The following LINGO2 variants were observed in gnomAD, a reference collection of about 807,000 sequenced individuals.
LINGO2 encodes leucine rich repeat and Ig domain containing 2.
A neutral mutation model predicts 30.6 loss-of-function variants in LINGO2; 14 were observed. The observed-to-expected ratio is 0.46, with a 90% confidence interval of 0.30 to 0.72. LINGO2 has a LOEUF of 0.72. LINGO2 is among the 30% of genes least tolerant of loss of function. The pLI is 0.07. For missense variants in LINGO2, 729 were observed against 751.7 expected (o/e 0.97, Z 0.35); for synonymous variants, 317 against 288.5 (o/e 1.10, Z -1.00).
In LINGO2 at chr9:28,220,680, T is replaced by C. The variant is rs560792748; in HGVS notation, c.-87+74528A>G. ...TTCTCATATGGGACAGTTTACATTG[T>C]TCCAATCTACAAAGACCCTACATTC... On this transcript the variant is annotated intron_variant, in intron 4 of 5. Coordinates refer to ENST00000379992, the Ensembl canonical transcript of LINGO2. Among the ~76,000 whole-genome samples, 18 of 152,280 alleles carry C rather than the reference T, an allele frequency of 1.2e-4. No individual in the cohort carries two copies. The South Asian group carries it at 2.3e-3, about 19-fold the overall frequency.
chr9:28,572,427 A>T (rs939434133), intron 1 of LINGO2, among the ~76,000 whole-genome samples: 6 of 152,096 alleles, frequency 3.9e-5, no homozygotes, highest in African/African-American at 1.4e-4. Flanking sequence ...CTTTCAAGAA[A>T]GGCAGGGTCA....
At chr9:28,298,005 T>G (rs1280046718) in intron 3 of LINGO2, among the ~76,000 whole-genome samples, 6 of 152,198 alleles carry the variant, frequency 3.9e-5, no homozygotes, top group Non-Finnish European at 5.9e-5. Context: ...GATACAAAAT[T>G]AAATGCATGT....
At chr9:28,710,269 C>A in the LINGO2 span, among the ~76,000 whole-genome samples, 3 of 151,800 alleles carry the variant, frequency 2.0e-5, no homozygotes, top group Admixed American at 1.3e-4. Context: ...GGAAATGAAC[C>A]CTTACCAGAT....
intron 1 of LINGO2, among the ~76,000 whole-genome samples, chr9:28,623,844 AT>A (rs1347685147): frequency 6.6e-6 from 1 of 152,032 alleles, no homozygotes; most frequent in Admixed American, 6.6e-5. Context: ...AAATCATTCC[AT>A]TTTTTGTATC....
At chr9:28,628,664 T>C (rs1376840308) in intron 1 of LINGO2, among the ~76,000 whole-genome samples, 1 of 152,098 alleles carries the variant, frequency 6.6e-6, no homozygotes, top group African/African-American at 2.4e-5. Flanking sequence ...GTGTCAGGGA[T>C]TGATGTTACC....
intron 3 of LINGO2, among the ~76,000 whole-genome samples, chr9:28,306,882 C>G (rs182408618): frequency 5.7e-4 from 86 of 152,166 alleles, no homozygotes; most frequent in African/African-American, 2.0e-3. Flanking sequence ...AAACCACGAA[C>G]AAGTTGAATC....
chr9:28,710,569 G>C, the LINGO2 span, among the ~76,000 whole-genome samples: 1 of 151,666 alleles, frequency 6.6e-6, no homozygotes, highest in East Asian at 1.9e-4. Context: ...GGAAAGGTTT[G>C]TGCAAATACT....
At chr9:28,849,833 C>A in the LINGO2 span, among the ~76,000 whole-genome samples, 2 of 152,012 alleles carry the variant, frequency 1.3e-5, no homozygotes, top group Non-Finnish European at 2.9e-5. Context: ...CTGGGTTAAG[C>A]TGGCCTTTTA....
At chr9:28,102,880 CA>C (rs1826460547) in intron 4 of LINGO2, among the ~76,000 whole-genome samples, 1 of 152,084 alleles carries the variant, frequency 6.6e-6, no homozygotes, top group East Asian at 1.9e-4. Flanking sequence ...CAGCACTTAG[CA>C]ATGAACTAAG....
chr9:28,479,093 T>A (rs1587728260), intron 1 of LINGO2, among the ~76,000 whole-genome samples: 3 of 152,160 alleles, frequency 2.0e-5, no homozygotes, highest in Admixed American at 2.0e-4. Flanking sequence ...GTAGTTATCA[T>A]TTTGGGCTCT....
the LINGO2 span, among the ~76,000 whole-genome samples, chr9:29,066,735 A>G: frequency 1.3e-5 from 2 of 151,880 alleles, no homozygotes; most frequent in African/African-American, 4.8e-5. Context: ...GAGAGGTAGA[A>G]GTTAATTGTA....
intron 4 of LINGO2, among the ~76,000 whole-genome samples, chr9:28,153,893 A>G (rs1375668632): frequency 6.6e-6 from 1 of 152,228 alleles, no homozygotes; most frequent in Non-Finnish European, 1.5e-5. Flanking sequence ...TTCATTAAGG[A>G]AAGCAAATAC....
intron 1 of LINGO2, among the ~76,000 whole-genome samples, chr9:28,584,106 A>C (rs568705272): frequency 6.8e-4 from 104 of 152,128 alleles, no homozygotes; most frequent in Non-Finnish European, 1.3e-3. Flanking sequence ...TCTATTATTT[A>C]CATAAATTAC....
At chr9:28,645,057 T>TA (rs1246527471) in intron 1 of LINGO2, among the ~76,000 whole-genome samples, 1 of 152,106 alleles carries the variant, frequency 6.6e-6, no homozygotes, top group Admixed American at 6.6e-5. Flanking sequence ...GTTAGTTTGA[T>TA]AAAAACCCTC....
At chr9:28,336,334 A>T (rs916470111) in intron 3 of LINGO2, among the ~76,000 whole-genome samples, 1 of 152,086 alleles carries the variant, frequency 6.6e-6, no homozygotes, top group African/African-American at 2.4e-5. Flanking sequence ...TTGATAGAGG[A>T]TTTGGAAGTA....
the LINGO2 span, among the ~76,000 whole-genome samples, chr9:28,706,501 A>G: frequency 6.6e-6 from 1 of 152,178 alleles, no homozygotes; most frequent in Non-Finnish European, 1.5e-5. Context: ...TAGGCCTGAC[A>G]AAACTAGAAA....
At chr9:28,087,750 A>C (rs1435756857) in intron 4 of LINGO2, among the ~76,000 whole-genome samples, 1 of 152,028 alleles carries the variant, frequency 6.6e-6, no homozygotes. Context: ...TTCCTGAGAC[A>C]ATCTTATGGG....
At chr9:28,998,665 G>A in the LINGO2 span, among the ~76,000 whole-genome samples, 6 of 151,678 alleles carry the variant, frequency 4.0e-5, no homozygotes, top group African/African-American at 1.5e-4. Flanking sequence ...CAAGGTTAAG[G>A]ATTGCAGGCA....
chr9:28,760,649 C>T, the LINGO2 span, among the ~76,000 whole-genome samples: 1 of 151,682 alleles, frequency 6.6e-6, no homozygotes, highest in East Asian at 1.9e-4. Context: ...TTTTATTGCT[C>T]GCCCCCCTAC....
Sources: allele counts gnomAD v4.1 joint callset (sites outside exome capture counted in the v4.1 genomes callset), GRCh38; gene constraint gnomAD v4.1.1; transcripts MANE v1.5; gene names NCBI Gene and HGNC (gene_info 2026-07-23, HGNC 2026-07-21).